PCDHGB1: variants seen among roughly 807,000 people sequenced by gnomAD.
The protein encoded by PCDHGB1 is protocadherin gamma-B1.
Under a neutral mutation model 56.6 loss-of-function variants are expected in PCDHGB1, and 34 were observed. The ratio of observed to expected loss-of-function variants is 0.60; its 90% CI spans 0.46 to 0.80. PCDHGB1 has a LOEUF of 0.80. Ranked by LOEUF, PCDHGB1 falls within the 30% of genes least tolerant of loss-of-function variation. The probability of loss-of-function intolerance (pLI) is 0.00; values close to 1 mark genes in which losing one functional copy is unlikely to be tolerated. For missense variants in PCDHGB1, 1,278 were observed against 1,204.6 expected (o/e 1.06, Z -0.90); for synonymous variants, 561 against 505.9 (o/e 1.11, Z -1.46).
intron 1 of PCDHGB1, among the ~76,000 whole-genome samples, chr5:141,460,981 G>A (rs35435563): frequency 1.6e-4 from 20 of 121,900 alleles, no homozygotes; most frequent in African/African-American, 3.7e-4. Context: ...GTGTGTGTGT[G>A]TGTATATATA....
At chr5:141,383,850 G>T (rs893832219) in intron 1 of PCDHGB1, 2 of 1,613,808 alleles carry the variant, frequency 1.2e-6, no homozygotes, top group African/African-American at 2.7e-5. Context: ...TCTATGAAAT[G>T]GAGGTTCAGG....
Position 141,350,977 on chromosome 5 carries a change from T to A in PCDHGB1, c.717T>A (p.Phe239Leu). ...ATGCCAATGATAATGCTCCCGTGTT[T>A]AGCCAGGAGGTATACAGGGTTAGCC... ...VTDANDNAPV[F>L]SQEVYRVSLQ... Residue 239 changes from phenylalanine to leucine, a missense_variant, in exon 1 of 4, where the codon TTT becomes TTA. By Grantham distance (22) the Phe-to-Leu change is conservative (BLOSUM62 0). Transcript: ENST00000523390. 6.2e-7 allele frequency: 1 copy of A among 1,614,064 alleles called. No homozygotes were observed. The highest frequency in any genetic ancestry group is 8.5e-7 in the Non-Finnish European group (1 of 1,179,904).
chr5:141,375,217 G>A (rs758328831), intron 1 of PCDHGB1: 2 of 1,613,968 alleles, frequency 1.2e-6, no homozygotes, highest in South Asian at 2.2e-5. Context: ...ACTCTGGCCT[G>A]AATGGCCTGG....
Position 141,409,997 on chromosome 5 carries a change from G to A in PCDHGB1, c.2409+57328G>A. 1.9e-6 allele frequency: 3 copies of A among 1,613,224 alleles called. No homozygotes were observed. The African/African-American group carries it at 4.0e-5, about 22-fold the overall frequency. ...GGTGGTAGCGGTGGACGCCGACTCG[G>A]GACACAACGCCTGGCTGTCCTACCA... On this transcript the variant is annotated intron_variant, in intron 1 of 3. Coordinates refer to ENST00000523390, the MANE Select transcript of PCDHGB1 (RefSeq NM_018922.3).
intron 1 of PCDHGB1, chr5:141,394,176 G>A: frequency 6.2e-7 from 1 of 1,613,790 alleles, no homozygotes; most frequent in Non-Finnish European, 8.5e-7. Flanking sequence ...TTTCCCTCAT[G>A]CCTCCTACTC....
At chr5:141,420,006 GAC>G (rs745722189) in intron 1 of PCDHGB1, 1 of 1,613,936 alleles carries the variant, frequency 6.2e-7, no homozygotes, top group African/African-American at 1.3e-5. Flanking sequence ...CTACGCCTGC[GAC>G]AGTCTTTCAG....
rs143138320 is a variant in PCDHGB1 at position 141,489,458 on chromosome 5, G to C, written c.2410-5349G>C. The stretch of plus-strand genomic sequence containing the variant: ...CAATTGGGCTCTGAGGAGAATGGGC[G>C]CTATTTTTCCCTGAGCTTGATGAGT... On this transcript the variant is annotated intron_variant, in intron 1 of 3. Coordinates refer to ENST00000523390, the MANE Select transcript of PCDHGB1 (RefSeq NM_018922.3). The surrounding 1 kb of genome is among the most constrained non-coding windows in gnomAD (Gnocchi z 4.5). 3.7e-6 allele frequency: 6 copies of C among 1,613,924 alleles called. No individual in the cohort carries two copies. The highest frequency in any genetic ancestry group is 5.1e-6 in the Non-Finnish European group (6 of 1,180,000).
At chr5:141,391,562 C>T (rs927673920) in intron 1 of PCDHGB1, 2 of 152,064 alleles carry the variant, frequency 1.3e-5, no homozygotes, top group Non-Finnish European at 1.5e-5. Flanking sequence ...TTTCCATATG[C>T]ATAAGAAAAT....
At chr5:141,492,423 G>C (rs1164828445) in intron 1 of PCDHGB1, among the ~76,000 whole-genome samples, 1 of 152,222 alleles carries the variant, frequency 6.6e-6, no homozygotes, top group African/African-American at 2.4e-5. Context: ...CCCTCCGCCG[G>C]GCTCAGGAGT....
intron 1 of PCDHGB1, among the ~76,000 whole-genome samples, chr5:141,488,497 C>CA (rs1415483796): frequency 4.6e-5 from 7 of 152,204 alleles, no homozygotes; most frequent in African/African-American, 1.7e-4. Flanking sequence ...CTGTAACACT[C>CA]ATTCCACATT....
intron 1 of PCDHGB1, chr5:141,403,495 C>A: frequency 6.2e-7 from 1 of 1,614,014 alleles, no homozygotes; most frequent in Non-Finnish European, 8.5e-7. Context: ...TCTCCCTGAA[C>A]GTGCAGACTG....
rs543116266 is a variant in PCDHGB1 at position 141,474,428 on chromosome 5, C to A, written c.2410-20379C>A. 3.9e-5 allele frequency among the ~76,000 whole-genome samples: 6 copies of A among 152,346 alleles called. 1 individual carries two copies. In the South Asian group the frequency reaches 1.0e-3, roughly 26 times the overall value. On this transcript the variant is annotated intron_variant, in intron 1 of 3. Coordinates refer to ENST00000523390, the MANE Select transcript of PCDHGB1 (RefSeq NM_018922.3). ...CGGTGATGCCTAGACCATTGGTCCT[C>A]ACACTTTGAGTAGCAAGTGATTGGG...
At chr5:141,365,248 A>G in intron 1 of PCDHGB1, 5 of 1,613,892 alleles carry the variant, frequency 3.1e-6, no homozygotes, top group Non-Finnish European at 4.2e-6. Flanking sequence ...CTCTACAATC[A>G]CTGGACTATG....
chr5:141,384,588 G>A, intron 1 of PCDHGB1: 1 of 1,614,242 alleles, frequency 6.2e-7, no homozygotes, highest in Non-Finnish European at 8.5e-7. Flanking sequence ...CCGAGATCCT[G>A]TACCCGGCCC....
intron 1 of PCDHGB1, chr5:141,419,383 C>A (rs1354675466): frequency 6.2e-7 from 1 of 1,613,698 alleles, no homozygotes; most frequent in South Asian, 1.1e-5. Context: ...TGTCCGTGAG[C>A]GCGCAGAGCG....
chr5:141,478,271 A>G, intron 1 of PCDHGB1: 1 of 1,614,170 alleles, frequency 6.2e-7, no homozygotes, highest in Non-Finnish European at 8.5e-7. Flanking sequence ...CAAAGTTTAC[A>G]AGTGGAAGCA....
chr5:141,473,163 G>T (rs1379230893), intron 1 of PCDHGB1, among the ~76,000 whole-genome samples: 2 of 152,160 alleles, frequency 1.3e-5, no homozygotes, highest in Non-Finnish European at 1.5e-5. Flanking sequence ...GGGCTAGGAA[G>T]GCCCACTGGT....
chr5:141,409,502 T>C, intron 1 of PCDHGB1: 2 of 1,613,986 alleles, frequency 1.2e-6, no homozygotes, highest in South Asian at 1.1e-5. Flanking sequence ...GCCTCTTTCT[T>C]CCAGTAGAAG....
intron 1 of PCDHGB1, chr5:141,360,312 GGACTTGCCAGCCCGGAAGC>G: frequency 6.2e-7 from 1 of 1,613,976 alleles, no homozygotes; most frequent in Non-Finnish European, 8.5e-7. Context: ...TCAGCGTCCG[GGACTTGCCAGCCCGGAAGC>G]TGCGGGTTAG....
Sources: gnomAD v4.1 joint callset for allele counts (sites outside exome capture counted in the v4.1 genomes callset) on GRCh38, gnomAD v4.1.1 for gene constraint, Gnocchi (gnomAD v3.1) non-coding constraint, MANE v1.5 for transcripts, NCBI Gene and HGNC (gene_info 2026-07-23, HGNC 2026-07-21) for gene names.